EP400: variants seen among roughly 807,000 people sequenced by gnomAD.
EP400 encodes the protein E1A binding protein p400.
A neutral mutation model predicts 354.1 loss-of-function variants in EP400; 105 were observed. The observed-to-expected ratio is 0.30, with a 90% confidence interval of 0.25 to 0.35. The LOEUF (loss-of-function observed/expected upper bound fraction) is 0.35. EP400 is among the 10% of genes least tolerant of loss of function. The pLI, the probability that EP400 is intolerant of heterozygous loss-of-function variation, is 1.00. For synonymous variants in EP400, 1,646 were observed against 1,716.9 expected (o/e 0.96, Z 1.02); for missense variants, 3,280 against 4,121.0 (o/e 0.80, Z 5.59).
At chr12:131,960,443 C>A in intron 1 of EP400, 142 bp from the exon 2 acceptor site, 2 of 861,850 alleles carry the variant, frequency 2.3e-6, no homozygotes, top group Non-Finnish European at 3.5e-6. Flanking sequence ...TCCAGCTGTG[C>A]CATATTGAAT....
At position 132,062,169 on chromosome 12, in the gene EP400, C is replaced by T. The variant is rs747566382; in HGVS notation, c.7944C>T (p.Val2648=). The T allele has an allele frequency of 2.4e-5, 38 of 1,613,880 alleles. No homozygotes were observed. Among genetic ancestry groups the T allele is most frequent in the South Asian group, 9.9e-5 (9 of 91,082 alleles). Residue 2648 remains valine, a synonymous_variant, in exon 46 of 53, where the codon GTC becomes GTT. Transcript: ENST00000389561. The part of the protein sequence containing the change: ...VVHTQPPPRA[V]GSPATATPDL... Reference sequence around the variant, plus strand: ...ACACCCAGCCCCCGCCACGGGCAGTCGGCTCCCCAGCCACGGCGACCCCTG... The same window carrying T: ...ACACCCAGCCCCCGCCACGGGCAGTTGGCTCCCCAGCCACGGCGACCCCTG...
At chr12:131,964,352 G>A (rs1194689908) in intron 2 of EP400, among the ~76,000 whole-genome samples, 1 of 151,972 alleles carries the variant, frequency 6.6e-6, no homozygotes, top group Non-Finnish European at 1.5e-5. Context: ...CTATAATCCC[G>A]GCTACTCAGG....
In EP400 at chr12:132,075,548, C is replaced by T. The variant is rs1464207418; in HGVS notation, c.9022-968C>T. 6.6e-6 allele frequency among the ~76,000 whole-genome samples: 1 copy of T among 152,150 alleles called. No homozygotes were observed. The highest frequency in any genetic ancestry group is 1.5e-5 in the Non-Finnish European group (1 of 68,016). On this transcript the variant is annotated intron_variant, in intron 51 of 52. Coordinates refer to ENST00000389561, the MANE Select transcript of EP400 (RefSeq NM_015409.5). The surrounding 1 kb of genome is among the most constrained non-coding windows in gnomAD (Gnocchi z 4.5). The stretch of plus-strand genomic sequence containing the variant: ...TGGAGCACCGGCTGCATCTTTGTTT[C>T]CCAGCAGTTCCACAGGGGGCGCTCA...
rs771569979 is a variant in EP400 at position 132,054,895 on chromosome 12, A to G, written c.7729-79A>G. 2.1e-6 allele frequency: 3 copies of G among 1,425,352 alleles called. No homozygotes were observed. Among genetic ancestry groups the G allele is most frequent in the Non-Finnish European group, 3.0e-6 (3 of 1,012,326 alleles). 88.3% of individuals were successfully genotyped at this position (1,425,352 alleles called of 1,614,324 possible). A position where few individuals can be genotyped will look rare whatever the true frequency, so the allele number is the denominator to read the frequency against. ...TCGTGGAGTTTGGATTTGATTCTGA[A>G]TGAAGTGGAAGCCTTTGGAGGATTT... On this transcript the variant is annotated intron_variant, in intron 43 of 52. Transcript: ENST00000389561. The surrounding 1 kb of genome is among the most constrained non-coding windows in gnomAD (Gnocchi z 4.0).
intron 45 of EP400, among the ~76,000 whole-genome samples, chr12:132,058,026 G>A (rs1454089011): frequency 6.6e-6 from 1 of 152,176 alleles, no homozygotes; most frequent in African/African-American, 2.4e-5. Context: ...AGCAGTGGTG[G>A]ACATGTGTGA....
chr12:131,993,011 C>T (rs1893092730), intron 11 of EP400, among the ~76,000 whole-genome samples: 1 of 152,168 alleles, frequency 6.6e-6, no homozygotes, highest in African/African-American at 2.4e-5. Context: ...TGGCAGTATT[C>T]AGTTCTGCTG....
At chr12:132,024,219 A>G (rs994913668) in intron 24 of EP400, among the ~76,000 whole-genome samples, 19 of 152,118 alleles carry the variant, frequency 1.2e-4, no homozygotes, top group South Asian at 2.1e-4. Flanking sequence ...TCAAAGTAGA[A>G]ATATTTGGCC....
rs551239208 is a variant in EP400, at chr12:132,043,471, A to G, written c.6366+9A>G. 13 of 1,610,446 alleles carry G rather than the reference A, an allele frequency of 8.1e-6. No homozygotes were observed. Among genetic ancestry groups the G allele is most frequent in the Admixed American group, 1.7e-5 (1 of 59,464 alleles). Reference sequence around the variant, plus strand: ...CTGACTTCATGGAGCAGGTTTGGGCATGTTTTCCTTTACAACTACATATTT... The same window carrying G: ...CTGACTTCATGGAGCAGGTTTGGGCGTGTTTTCCTTTACAACTACATATTT... On this transcript the variant is annotated intron_variant, in intron 33 of 52. Coordinates refer to ENST00000389561, the MANE Select transcript of EP400 (RefSeq NM_015409.5).
Position 131,986,816 on chromosome 12 carries a change from G to A in EP400, c.2223+9G>A. On this transcript the variant is annotated intron_variant, in intron 6 of 52. Coordinates refer to ENST00000389561, the MANE Select transcript of EP400 (RefSeq NM_015409.5). ...CAGAACAAATAACTCTGGTAAGCAT[G>A]CTTAAGAAAGTTGTAAAATGTACTC... 6.3e-7 allele frequency: 1 copy of A among 1,587,114 alleles called. No individual in the cohort carries two copies. Among genetic ancestry groups the A allele is most frequent in the Non-Finnish European group, 8.6e-7 (1 of 1,166,076 alleles).
chr12:131,974,598 C>T (rs1349893361), intron 2 of EP400, among the ~76,000 whole-genome samples: 4 of 152,156 alleles, frequency 2.6e-5, no homozygotes, highest in African/African-American at 9.7e-5. Context: ...GGTATTGTCT[C>T]TCCTAAATGG....
chr12:132,076,653 T>C (rs868273297), intron 52 of EP400, 60 bp downstream of exon 52: 1 of 1,438,998 alleles, frequency 6.9e-7, no homozygotes, highest in Non-Finnish European at 9.5e-7. Context: ...TGGGTTGTTT[T>C]CATCTGAGGT....
chr12:132,016,105 G>A (rs1893923869), intron 19 of EP400, among the ~76,000 whole-genome samples: 1 of 152,124 alleles, frequency 6.6e-6, no homozygotes, highest in Non-Finnish European at 1.5e-5. Flanking sequence ...GGAACCATCC[G>A]TCGTCTCAGC....
chr12:132,011,734 T>G (rs945090769), intron 16 of EP400, 100 bp downstream of exon 16: 8 of 1,358,714 alleles, frequency 5.9e-6, no homozygotes, highest in South Asian at 1.5e-5. Context: ...ATTCATGGAA[T>G]TATTAAAGAT....
chr12:131,985,769 C>T (rs1458743986), intron 5 of EP400, among the ~76,000 whole-genome samples: 5 of 152,010 alleles, frequency 3.3e-5, no homozygotes, highest in South Asian at 2.1e-4. Context: ...CCACCATGCC[C>T]GGCTAATTTT....
Position 132,066,898 on chromosome 12 carries a change from C to T in EP400, c.8678C>T (p.Pro2893Leu). The T allele has an allele frequency of 6.2e-7, 1 of 1,613,232 alleles. No individual in the cohort carries two copies. Among genetic ancestry groups the T allele is most frequent in the Non-Finnish European group, 8.5e-7 (1 of 1,179,710 alleles). Residue 2893 changes from proline (P) to leucine (L), a missense_variant, in exon 49 of 53, where the codon CCG (proline) becomes CTG (leucine). Pro to Leu is a moderately conservative substitution (Grantham distance 98, BLOSUM62 -3). Around this residue, in one of 20 missense-constraint regions of EP400, gnomAD observed 279 missense variants for 386.7 expected, o/e 0.72. Coordinates refer to ENST00000389561, the MANE Select transcript of EP400 (RefSeq NM_015409.5). ...GTCCCGGCAGCTGTGGTCTCCTCAC[C>T]GGGAGTCACCACCCTGCCCATGAAC... Reference protein sequence around the residue: ...VSVPAAVVSSPGVTTLPMNVA... With the variant: ...VSVPAAVVSSLGVTTLPMNVA...
chr12:132,066,378 T>C, intron 48 of EP400: 1 of 172,862 alleles, frequency 5.8e-6, no homozygotes, highest in Non-Finnish European at 1.2e-5. Context: ...GCTGAGGCAG[T>C]CATTTTGAAG....
At chr12:132,066,587 G>T (rs1895900675) in intron 48 of EP400, 187 bp from the exon 49 acceptor site, 3 of 603,526 alleles carry the variant, frequency 5.0e-6, no homozygotes, top group Admixed American at 3.8e-5. Context: ...AGAAGCGCGG[G>T]CTGACCTGTG....
rs991142388 is a variant in EP400, at chr12:132,054,138, G to C, written c.7728+541G>C. Reference sequence around the variant, plus strand: ...CCACGCTCTGGTGTATCTCTGTACTGTGTGCGTCCGTGTGCCACACAGACG... The same window carrying C: ...CCACGCTCTGGTGTATCTCTGTACTCTGTGCGTCCGTGTGCCACACAGACG... On this transcript the variant is annotated intron_variant, in intron 43 of 52. Transcript: ENST00000389561. This position sits in a 1 kb window ranked among gnomAD's most constrained non-coding sequence, Gnocchi z 4.0. Among the ~76,000 whole-genome samples, 3 of 152,202 alleles carry C rather than the reference G, an allele frequency of 2.0e-5. No homozygotes were observed. The highest frequency in any genetic ancestry group is 7.2e-5 in the African/African-American group (3 of 41,444).
At position 131,994,586 on chromosome 12, in the gene EP400, T is replaced by G. The variant is rs1322173582; in HGVS notation, c.2738-281T>G. Reference sequence around the variant, plus strand: ...CTGTGGGCTTTCCACAGTGGGGCTCTGCAGGAAGGTAGGAGGGTTGACAGC... The same window carrying G: ...CTGTGGGCTTTCCACAGTGGGGCTCGGCAGGAAGGTAGGAGGGTTGACAGC... On this transcript the variant is annotated intron_variant, in intron 11 of 52. Coordinates refer to ENST00000389561, the MANE Select transcript of EP400 (RefSeq NM_015409.5). This position sits in a 1 kb window ranked among gnomAD's most constrained non-coding sequence, Gnocchi z 4.6. Among the ~76,000 whole-genome samples the G allele has an allele frequency of 6.6e-6, 1 of 152,124 alleles. No individual in the cohort carries two copies. Among genetic ancestry groups the G allele is most frequent in the Non-Finnish European group, 1.5e-5 (1 of 68,018 alleles).
Sources: gnomAD v4.1 joint callset for allele counts (sites outside exome capture counted in the v4.1 genomes callset) on GRCh38, gnomAD v4.1.1 for gene constraint, gnomAD v4.1.1 regional missense constraint, Gnocchi (gnomAD v3.1) non-coding constraint, MANE v1.5 for transcripts, NCBI Gene and HGNC (gene_info 2026-07-23, HGNC 2026-07-21) for gene names.